The following AADAT variants were observed in gnomAD, a reference collection of about 807,000 sequenced individuals.
The protein encoded by AADAT is aminoadipate aminotransferase, also known as kynurenine/alpha-aminoadipate aminotransferase, mitochondrial.
A neutral mutation model predicts 56.2 loss-of-function variants in AADAT; 25 were observed. The ratio of observed to expected loss-of-function variants is 0.44; its 90% CI spans 0.32 to 0.62. The LOEUF is 0.62. AADAT is among the 20% of genes least tolerant of loss of function. The probability of loss-of-function intolerance (pLI) is 0.04; values close to 1 mark genes in which losing one functional copy is unlikely to be tolerated. For synonymous variants in AADAT, 173 were observed against 164.7 expected, an observed-to-expected ratio of 1.05 and a Z score of -0.39; for missense variants, 387 against 510.5, an observed-to-expected ratio of 0.76 and a Z score of 2.33.
At chr4:170,069,388 A>G (rs541888339) in intron 6 of AADAT, among the ~76,000 whole-genome samples, 158 bp from the exon 7 acceptor site, 1 of 152,360 alleles carries the variant, frequency 6.6e-6, no homozygotes, top group Non-Finnish European at 1.5e-5. Flanking sequence ...AATAACAAAC[A>G]AAGATGCAGA....
At position 170,062,561 on chromosome 4, in the gene AADAT, C is replaced by T. The variant is rs141818309; in HGVS notation, c.1135-568G>A. On this transcript the variant is annotated intron_variant, in intron 11 of 12. Coordinates refer to ENST00000337664, the MANE Select transcript of AADAT (RefSeq NM_016228.4). Reference sequence around the variant, plus strand: ...TGAAGAAATAAAAGTATTAAATAAGCGTGTCAAGATGGGGTGGTCGGAACA... The same window carrying T: ...TGAAGAAATAAAAGTATTAAATAAGTGTGTCAAGATGGGGTGGTCGGAACA... Among the ~76,000 whole-genome samples, 23 of 152,210 alleles carry T rather than the reference C, an allele frequency of 1.5e-4. No homozygotes were observed. The East Asian group carries it at 3.9e-3, about 26-fold the overall frequency.
Position 170,064,412 on chromosome 4 carries a change from A to T in AADAT, c.1134+307T>A, listed in dbSNP as rs1421151007. On this transcript the variant is annotated intron_variant, in intron 11 of 12. Coordinates refer to ENST00000337664, the MANE Select transcript of AADAT (RefSeq NM_016228.4). ...AAGGGTAACCTATTCAAGGCCACAC[A>T]TCCCCTAAGGGGTGGTGCTGGGATT... 5.3e-5 allele frequency among the ~76,000 whole-genome samples: 8 copies of T among 152,230 alleles called. No homozygotes were observed. In the East Asian group the frequency reaches 1.5e-3, roughly 29 times the overall value.
At chr4:170,061,361 G>A (rs1731178754) in intron 12 of AADAT, among the ~76,000 whole-genome samples, 1 of 152,132 alleles carries the variant, frequency 6.6e-6, no homozygotes, top group Non-Finnish European at 1.5e-5. Flanking sequence ...GAGAAAGCAA[G>A]TAAATAAAGA....
intron 5 of AADAT, among the ~76,000 whole-genome samples, chr4:170,071,813 T>C (rs1731775910): frequency 6.6e-6 from 1 of 151,662 alleles, no homozygotes; most frequent in South Asian, 2.1e-4. Context: ...ATAAGCTCAG[T>C]GGTAGAGTCC....
intron 12 of AADAT, 23 bp from the exon 13 acceptor site, chr4:170,060,992 G>T: frequency 1.4e-6 from 2 of 1,425,612 alleles, no homozygotes; most frequent in South Asian, 1.3e-5. Context: ...AAAAAAATTA[G>T]AATTAATTAA....
chr4:170,062,494 A>G (rs1292818739), intron 11 of AADAT, among the ~76,000 whole-genome samples: 1 of 152,232 alleles, frequency 6.6e-6, no homozygotes, highest in Non-Finnish European at 1.5e-5. Context: ...AAATTGCTGC[A>G]TTCAAAGAAC....
chr4:170,062,798 A>C (rs1172026073), intron 11 of AADAT, among the ~76,000 whole-genome samples: 1 of 152,220 alleles, frequency 6.6e-6, no homozygotes, highest in African/African-American at 2.4e-5. Flanking sequence ...GTGATCTGCC[A>C]TGCTCTTTCC....
chr4:170,073,403 G>T (rs1479423437), intron 4 of AADAT, 58 bp from the exon 5 acceptor site: 30 of 1,178,582 alleles, frequency 2.5e-5, no homozygotes, highest in Non-Finnish European at 3.2e-5. Flanking sequence ...AGTGCTATTG[G>T]TTTTTTTTTT....
chr4:170,077,121 TGGGAAGTG>T (rs2111185569), intron 4 of AADAT, among the ~76,000 whole-genome samples: 1 of 152,338 alleles, frequency 6.6e-6, no homozygotes, highest in Non-Finnish European at 1.5e-5. Context: ...GTTTTGAAAT[TGGGAAGTG>T]GGGGTCTTCC....
At chr4:170,074,401 C>G (rs1007337442) in intron 4 of AADAT, among the ~76,000 whole-genome samples, 3 of 151,930 alleles carry the variant, frequency 2.0e-5, no homozygotes, top group African/African-American at 4.8e-5. Flanking sequence ...TTGTTGACAT[C>G]TTTATGTCCC....
intron 12 of AADAT, 104 bp from the exon 13 acceptor site, chr4:170,061,073 G>C: frequency 1.3e-6 from 1 of 764,974 alleles, no homozygotes; most frequent in Non-Finnish European, 1.9e-6. Context: ...GTCTAAGGTT[G>C]AGAGAAGGCA....
chr4:170,093,128 A>G (rs866724554), upstream of AADAT, among the ~76,000 whole-genome samples: 4 of 152,172 alleles, frequency 2.6e-5, no homozygotes, highest in Middle Eastern at 3.4e-3. Context: ...TTAGATACTT[A>G]GAAGAAAATT....
In AADAT at chr4:170,070,596, C is replaced by T. The variant is rs776235647; in HGVS notation, c.711G>A (p.Gln237=). The change falls in exon 6 of 13, where the codon CAG becomes CAA. Residue 237 remains glutamine, a synonymous_variant. Coordinates refer to ENST00000337664, the MANE Select transcript of AADAT (RefSeq NM_016228.4). ...IIEDDPYYFL[Q]FNKFRVPTFL... ...TCACATAATCACTTACCTTGTTAAA[C>T]TGGAGAAAATAGTAAGGATCATCTT... 1.3e-6 allele frequency: 2 copies of T among 1,581,724 alleles called. No homozygotes were observed. Among genetic ancestry groups the T allele is most frequent in the South Asian group, 2.3e-5 (2 of 87,132 alleles).
chr4:170,080,287 C>G (rs1188938661), intron 3 of AADAT, among the ~76,000 whole-genome samples: 2 of 152,156 alleles, frequency 1.3e-5, no homozygotes, highest in Non-Finnish European at 2.9e-5. Context: ...ACTTCAGCAT[C>G]TATGATACCC....
intron 8 of AADAT, 91 bp downstream of exon 8, chr4:170,068,500 G>T: frequency 1.1e-6 from 1 of 918,792 alleles, no homozygotes; most frequent in Non-Finnish European, 1.7e-6. Flanking sequence ...TCACTAAACA[G>T]GTTTGGAGTT....
intron 4 of AADAT, among the ~76,000 whole-genome samples, chr4:170,075,376 C>T (rs1030124468): frequency 6.6e-6 from 1 of 152,012 alleles, no homozygotes; most frequent in Non-Finnish European, 1.5e-5. Context: ...ACTTTGCTGC[C>T]TGGGCTGAAG....
At chr4:170,090,943 T>C (rs1732798222), upstream of AADAT, among the ~76,000 whole-genome samples, 1 of 152,232 alleles carries the variant, frequency 6.6e-6, no homozygotes, top group East Asian at 1.9e-4. Context: ...GTTTACCTAA[T>C]AGGTTGGTCA....
In AADAT at chr4:170,062,318, T is replaced by C. The variant is rs570973468; in HGVS notation, c.1135-325A>G. On this transcript the variant is annotated intron_variant, in intron 11 of 12. Transcript: ENST00000337664. ...CTTCCTAAAGAAAGATAAATGGTAA[T>C]AAATACAAACAAATGTTTAATCTAA... Among the ~76,000 whole-genome samples, 53 of 152,268 alleles carry C rather than the reference T, an allele frequency of 3.5e-4. 1 individual carries two copies. Among genetic ancestry groups the C allele is most frequent in the African/African-American group, 1.2e-3 (50 of 41,548 alleles).
chr4:170,084,988 C>T (rs1024601264), intron 3 of AADAT, among the ~76,000 whole-genome samples: 4 of 152,192 alleles, frequency 2.6e-5, no homozygotes, highest in Middle Eastern at 3.2e-3. Context: ...CCTCTTCCTC[C>T]TTCTCCTCAG....
Sources: allele counts gnomAD v4.1 joint callset (sites outside exome capture counted in the v4.1 genomes callset), GRCh38; gene constraint gnomAD v4.1.1; transcripts MANE v1.5; gene names NCBI Gene and HGNC (gene_info 2026-07-23, HGNC 2026-07-21).